CEP83: variants seen among roughly 807,000 people sequenced by gnomAD.
CEP83 encodes the protein centrosomal protein of 83 kDa.
CEP83 carries 70 observed loss-of-function variants against 101.9 expected under a neutral mutation model. The observed-to-expected ratio is 0.69, with a 90% CI of 0.57 to 0.84. CEP83 has a LOEUF of 0.84. CEP83 is among the 40% of genes least tolerant of loss of function. CEP83 has a pLI of 0.00. For missense variants in CEP83, 715 were observed against 787.2 expected, an observed-to-expected ratio of 0.91 and a Z score of 1.10; for synonymous variants, 264 against 267.9, an observed-to-expected ratio of 0.99 and a Z score of 0.14.
intron 11 of CEP83, among the ~76,000 whole-genome samples, chr12:94,338,959 CT>C (rs373946233): frequency 0.028 from 3,998 of 144,344 alleles, 168 homozygotes; most frequent in African/African-American, 0.093. Flanking sequence ...TATACTATTT[CT>C]TTTTTTTTTT....
chr12:94,399,832 AG>A (rs1450780545), intron 6 of CEP83, among the ~76,000 whole-genome samples: 1 of 152,196 alleles, frequency 6.6e-6, no homozygotes, highest in East Asian at 1.9e-4. Context: ...AGCTATAAAG[AG>A]TTTTTTTTAA....
chr12:94,287,062 A>G, the CEP83 span, among the ~76,000 whole-genome samples: 1 of 152,224 alleles, frequency 6.6e-6, no homozygotes, highest in Non-Finnish European at 1.5e-5. Context: ...AGTGCCTGGC[A>G]CTGCTCACAT....
At chr12:94,390,657 G>T (rs2062464631) in intron 6 of CEP83, among the ~76,000 whole-genome samples, 1 of 152,154 alleles carries the variant, frequency 6.6e-6, no homozygotes, top group African/African-American at 2.4e-5. Flanking sequence ...GGCTTCAGAA[G>T]GTCAGTAATA....
At chr12:94,321,852 C>T (rs553415163) in intron 14 of CEP83, among the ~76,000 whole-genome samples, 7 of 152,132 alleles carry the variant, frequency 4.6e-5, no homozygotes, top group Admixed American at 1.3e-4. Flanking sequence ...GTTGGGAGGA[C>T]GTGCTCAGTG....
intron 14 of CEP83, among the ~76,000 whole-genome samples, chr12:94,321,608 G>A (rs1020103048): frequency 1.2e-4 from 19 of 152,148 alleles, no homozygotes; most frequent in African/African-American, 4.6e-4. Flanking sequence ...GAGAAGTGAG[G>A]ACTGGGACTT....
At chr12:94,350,947 CATG>C in intron 11 of CEP83, among the ~76,000 whole-genome samples, 1 of 152,154 alleles carries the variant, frequency 6.6e-6, no homozygotes, top group East Asian at 1.9e-4. Context: ...ATCAAAAAAA[CATG>C]AGGAAGACAT....
At chr12:94,446,318 T>C (rs1312611450) in intron 1 of CEP83, among the ~76,000 whole-genome samples, 1 of 152,262 alleles carries the variant, frequency 6.6e-6, no homozygotes, top group African/African-American at 2.4e-5. Context: ...AGATATGCCA[T>C]AGGAATTTAA....
downstream of CEP83, chr12:94,305,280 A>G: frequency 6.3e-7 from 1 of 1,599,944 alleles, no homozygotes; most frequent in Non-Finnish European, 8.6e-7. Context: ...ATGCAAGTGG[A>G]TGTAAGCACT....
intron 2 of CEP83, among the ~76,000 whole-genome samples, chr12:94,420,952 G>C (rs2064692671): frequency 6.6e-6 from 1 of 152,080 alleles, no homozygotes; most frequent in African/African-American, 2.4e-5. Flanking sequence ...TCTACTTCTT[G>C]ATTTTTGTGG....
intron 11 of CEP83, among the ~76,000 whole-genome samples, chr12:94,345,369 G>A (rs1440744841): frequency 1.3e-5 from 2 of 152,126 alleles, no homozygotes; most frequent in Non-Finnish European, 2.9e-5. Flanking sequence ...CATTTCCTAA[G>A]TGACTAAAAC....
At chr12:94,306,127 A>AAC (rs1159811009), downstream of CEP83, 1 of 152,158 alleles carries the variant, frequency 6.6e-6, no homozygotes, top group African/African-American at 2.4e-5. Flanking sequence ...CTTTGATCAG[A>AAC]ACGATCTGTG....
chr12:94,429,534 C>T (rs1209041082), intron 2 of CEP83, among the ~76,000 whole-genome samples: 2 of 152,290 alleles, frequency 1.3e-5, no homozygotes, highest in Non-Finnish European at 2.9e-5. Context: ...CTCTTCACAT[C>T]CCTGGAGTCC....
the CEP83 span, among the ~76,000 whole-genome samples, chr12:94,266,521 C>A: frequency 6.6e-6 from 1 of 152,218 alleles, no homozygotes; most frequent in African/African-American, 2.4e-5. Flanking sequence ...TGCAGTAAAT[C>A]CAGGCTGTGG....
chr12:94,452,910 T>C (rs1246117460), intron 1 of CEP83, among the ~76,000 whole-genome samples: 1 of 152,148 alleles, frequency 6.6e-6, no homozygotes, highest in Non-Finnish European at 1.5e-5. Flanking sequence ...TAATCTAACC[T>C]TCACTCTCAG....
In CEP83 at chr12:94,401,222, T is replaced by A. The variant is rs146892121; in HGVS notation, c.418-241A>T. The A allele has an allele frequency of 1.6e-3, 275 of 169,126 alleles. 2 individuals are homozygous for A. The highest frequency in any genetic ancestry group is 7.0e-3 in the African/African-American group (225 of 32,104). The allele number at this position is 169,126 out of a possible 1,614,324, so 10.5% of individuals were successfully genotyped here. On this transcript the variant is annotated intron_variant, in intron 5 of 16. Coordinates refer to ENST00000397809, the MANE Select transcript of CEP83 (RefSeq NM_016122.3). ...TAAATTACCATTCAATTAATCTTAT[T>A]TCTTCACTGGTTCTCATTATGATAA...
At chr12:94,441,576 T>G (rs1051816265) in intron 1 of CEP83, among the ~76,000 whole-genome samples, 1 of 152,090 alleles carries the variant, frequency 6.6e-6, no homozygotes, top group African/African-American at 2.4e-5. Flanking sequence ...GGTGGGAAGG[T>G]AAACTAGTAC....
chr12:94,443,246 C>CCCAGGACCCCTTTGCTAGAGTCAATTAAG (rs1594099861), intron 1 of CEP83, among the ~76,000 whole-genome samples: 1 of 152,262 alleles, frequency 6.6e-6, no homozygotes. Context: ...TTTACAGACC[C>CCCAGGACCCCTTTGCTAGAGTCAATTAAG]TCAAACACAT....
chr12:94,379,620 T>C (rs2061727192), intron 6 of CEP83, among the ~76,000 whole-genome samples: 1 of 152,152 alleles, frequency 6.6e-6, no homozygotes, highest in African/African-American at 2.4e-5. Flanking sequence ...GAAAAATCAT[T>C]ACTCCAGGGC....
the CEP83 span, chr12:94,282,518 C>T: frequency 5.8e-5 from 41 of 702,876 alleles, no homozygotes; most frequent in South Asian, 4.8e-4. Flanking sequence ...GCAGATCGAT[C>T]GTGTCTGGGG....
Sources: gnomAD v4.1 joint callset for allele counts (sites outside exome capture counted in the v4.1 genomes callset) on GRCh38, gnomAD v4.1.1 for gene constraint, MANE v1.5 for transcripts, NCBI Gene and HGNC (gene_info 2026-07-23, HGNC 2026-07-21) for gene names.